Variants in ANO9 observed in about 807,000 individuals in gnomAD.
ANO9 encodes the protein anoctamin 9.
A neutral mutation model predicts 100.5 loss-of-function variants in ANO9; 80 were observed. The ratio of observed to expected loss-of-function variants is 0.80; its 90% CI spans 0.66 to 0.96. The LOEUF is 0.96. Ranked by LOEUF, ANO9 falls within the 40% of genes least tolerant of loss-of-function variation. ANO9 has a pLI of 0.00. For synonymous variants in ANO9, 473 were observed against 435.6 expected (o/e 1.09, Z -1.07); for missense variants, 1,064 against 1,072.7 (o/e 0.99, Z 0.11).
chr11:421,905 C>G lies in ANO9; in HGVS notation c.1335-707G>C, dbSNP rs1851301053. 6.6e-6 allele frequency among the ~76,000 whole-genome samples: 1 copy of G among 152,154 alleles called. No homozygotes were observed. Among genetic ancestry groups the G allele is most frequent in the African/African-American group, 2.4e-5 (1 of 41,416 alleles). The stretch of plus-strand genomic sequence containing the variant: ...GGTATTTAACACGGTTCTGGAATTC[C>G]TTGCAAATAAGCAAGAGAAATATGA... On this transcript the variant is annotated intron_variant, in intron 15 of 22. Coordinates refer to ENST00000332826, the MANE Select transcript of ANO9 (RefSeq NM_001012302.3). This position sits in a 1 kb window ranked among gnomAD's most constrained non-coding sequence, Gnocchi z 6.8.
intron 7 of ANO9, among the ~76,000 whole-genome samples, chr11:431,346 T>G (rs1848962820): frequency 1.5e-5 from 1 of 65,044 alleles, no homozygotes; most frequent in Non-Finnish European, 2.8e-5. Context: ...CTCCCGCGGG[T>G]ATCTGGGGGC....
chr11:434,457 G>A (rs1429322462), intron 1 of ANO9, among the ~76,000 whole-genome samples: 1 of 152,210 alleles, frequency 6.6e-6, no homozygotes, highest in Non-Finnish European at 1.5e-5. Context: ...AGGACCAGGA[G>A]ACCAATGCAC....
At chr11:440,070 G>A (rs1845740147) in intron 1 of ANO9, among the ~76,000 whole-genome samples, 2 of 152,166 alleles carry the variant, frequency 1.3e-5, no homozygotes, top group African/African-American at 4.8e-5. Context: ...AAGAACATGT[G>A]TGGGCACGCC....
Position 421,213 on chromosome 11 carries a change from G to T in ANO9, c.1335-15C>A. 1 of 1,529,360 alleles carries T rather than the reference G, an allele frequency of 6.5e-7. No individual in the cohort carries two copies. The highest frequency in any genetic ancestry group is 8.8e-7 in the Non-Finnish European group (1 of 1,135,722). 94.7% of individuals were successfully genotyped at this position (1,529,360 alleles called of 1,614,324 possible). A position where few individuals can be genotyped will look rare whatever the true frequency, so the allele number is the denominator to read the frequency against. ...GGCCGTTGATCCTGGGGAGGAAGGG[G>T]AAGTCTGGGGCACTGCGGGCAGCGC... On this transcript the variant is annotated splice_polypyrimidine_tract_variant and intron_variant, in intron 15 of 22. Coordinates refer to ENST00000332826, the MANE Select transcript of ANO9 (RefSeq NM_001012302.3). The surrounding 1 kb of genome is among the most constrained non-coding windows in gnomAD (Gnocchi z 6.8).
intron 11 of ANO9, 110 bp downstream of exon 11, chr11:429,460 C>T: frequency 6.6e-7 from 1 of 1,518,664 alleles, no homozygotes; most frequent in South Asian, 1.2e-5. Flanking sequence ...GGGAGACAGA[C>T]TCGGGACACA....
intron 19 of ANO9, chr11:420,161 G>C: frequency 7.3e-7 from 1 of 1,364,396 alleles, no homozygotes; most frequent in South Asian, 1.6e-5. Context: ...TGGGACAGAG[G>C]CCGGCTGCTC....
At chr11:429,129 T>C (rs1304102431) in intron 11 of ANO9, among the ~76,000 whole-genome samples, 50 of 74,068 alleles carry the variant, frequency 6.8e-4, no homozygotes, top group South Asian at 2.1e-3. Flanking sequence ...ACATGCCTCA[T>C]GGGTGGACAG....
At position 420,708 on chromosome 11, in the gene ANO9, G is replaced by A; in HGVS notation, c.1633+10C>T. The A allele has an allele frequency of 6.2e-7, 1 of 1,605,498 alleles. No individual in the cohort carries two copies. Among genetic ancestry groups the A allele is most frequent in the South Asian group, 1.1e-5 (1 of 90,604 alleles). Reference sequence around the variant, plus strand: ...TCTCCGCGAACCCCCGCCCCGCAGCGCCCACGCACTCATCTCCATGAACTC... The same window carrying A: ...TCTCCGCGAACCCCCGCCCCGCAGCACCCACGCACTCATCTCCATGAACTC... On this transcript the variant is annotated intron_variant, in intron 18 of 22. Coordinates refer to ENST00000332826, the MANE Select transcript of ANO9 (RefSeq NM_001012302.3).
intron 1 of ANO9, among the ~76,000 whole-genome samples, 155 bp downstream of exon 1, chr11:441,766 G>A (rs1845890830): frequency 1.3e-5 from 2 of 152,068 alleles, no homozygotes; most frequent in East Asian, 1.9e-4. Context: ...TGAGCCGGGC[G>A]GTCACCCTCG....
Position 421,426 on chromosome 11 carries a change from C to G in ANO9, c.1335-228G>C. On this transcript the variant is annotated intron_variant, in intron 15 of 22. Transcript: ENST00000332826. This position sits in a 1 kb window ranked among gnomAD's most constrained non-coding sequence, Gnocchi z 6.8. ...CACAGGCTCCCAGATGAACCGCACCCACACGTGGGCGCGCGCACACACACA... is the reference window on the plus strand; with the variant it reads ...CACAGGCTCCCAGATGAACCGCACCGACACGTGGGCGCGCGCACACACACA... 1 of 412,342 alleles carries G rather than the reference C, an allele frequency of 2.4e-6. No individual in the cohort carries two copies. Among genetic ancestry groups the G allele is most frequent in the Admixed American group, 4.4e-5 (1 of 22,672 alleles). The allele number at this position is 412,342 out of a possible 1,614,324, so 25.5% of individuals were successfully genotyped here.
rs1328435344 is a variant in ANO9, at chr11:422,427, G to A, written c.1335-1229C>T. 6.6e-6 allele frequency among the ~76,000 whole-genome samples: 1 copy of A among 152,240 alleles called. No homozygotes were observed. Among genetic ancestry groups the A allele is most frequent in the Non-Finnish European group, 1.5e-5 (1 of 68,044 alleles). On this transcript the variant is annotated intron_variant, in intron 15 of 22. Coordinates refer to ENST00000332826, the MANE Select transcript of ANO9 (RefSeq NM_001012302.3). This position sits in a 1 kb window ranked among gnomAD's most constrained non-coding sequence, Gnocchi z 4.3. The stretch of plus-strand genomic sequence containing the variant: ...CTGCTAATCAGCTGACTTTAAGACG[G>A]GGAGATTATCTTGGGTTATCTGGGT...
At chr11:427,313 G>T (rs1285666506) in intron 15 of ANO9, among the ~76,000 whole-genome samples, 1 of 152,078 alleles carries the variant, frequency 6.6e-6, no homozygotes. Flanking sequence ...TCATGCTACT[G>T]CACTCCAGCC....
intron 1 of ANO9, among the ~76,000 whole-genome samples, chr11:436,551 G>A (rs989213983): frequency 1.1e-4 from 17 of 151,242 alleles, no homozygotes; most frequent in Non-Finnish European, 2.4e-4. Flanking sequence ...CTCTCAGGCA[G>A]GGGGTTGGTC....
intron 15 of ANO9, among the ~76,000 whole-genome samples, chr11:426,467 G>A (rs543171212): frequency 4.6e-5 from 7 of 152,294 alleles, no homozygotes; most frequent in Admixed American, 2.6e-4. Context: ...CAGCTATTCG[G>A]GAGGCTGAGG....
chr11:418,569 C>T lies in ANO9; in HGVS notation c.2151G>A (p.Lys717=), dbSNP rs1441111360. 1.9e-6 allele frequency: 3 copies of T among 1,613,016 alleles called. No individual in the cohort carries two copies. The Admixed American group carries it at 5.0e-5, about 27-fold the overall frequency. ...CGGGCACGAACCAGGCGGCGATGAGCTTGATGCACAAGGCCACGTGCTAGC... is the reference window on the plus strand; with the variant it reads ...CGGGCACGAACCAGGCGGCGATGAGTTTGATGCACAAGGCCACGTGCTAGC... ...ILFEHVALCI[K]LIAAWFVPDI... Residue 717 remains lysine (K), a synonymous_variant, in exon 23 of 23, where the codon AAG becomes AAA. Transcript: ENST00000332826.
At chr11:440,233 T>C (rs1394886623) in intron 1 of ANO9, among the ~76,000 whole-genome samples, 1 of 152,074 alleles carries the variant, frequency 6.6e-6, no homozygotes, top group African/African-American at 2.4e-5. Context: ...GACTCAGTCC[T>C]TGGTACTTCA....
At chr11:430,054 G>A (rs1207030153) in intron 9 of ANO9, 29 bp downstream of exon 9, 2 of 1,544,470 alleles carry the variant, frequency 1.3e-6, no homozygotes, top group African/African-American at 1.4e-5. Context: ...TCTTCCGCAG[G>A]CCCTGGGGTG....
At chr11:430,232 C>G in intron 8 of ANO9, 37 bp downstream of exon 8, 1 of 1,551,412 alleles carries the variant, frequency 6.4e-7, no homozygotes, top group Non-Finnish European at 8.7e-7. Context: ...GCAGGGCCCA[C>G]CCCGGCCCCC....
chr11:420,160 G>A (rs1372280545), intron 19 of ANO9: 5 of 1,364,606 alleles, frequency 3.7e-6, no homozygotes, highest in Non-Finnish European at 4.7e-6. Flanking sequence ...TTGGGACAGA[G>A]GCCGGCTGCT....
Sources: allele counts gnomAD v4.1 joint callset (sites outside exome capture counted in the v4.1 genomes callset), GRCh38; gene constraint gnomAD v4.1.1; non-coding constraint Gnocchi (gnomAD v3.1); transcripts MANE v1.5; gene names NCBI Gene and HGNC (gene_info 2026-07-23, HGNC 2026-07-21).